FHIT: variants seen among roughly 807,000 people sequenced by gnomAD.
FHIT encodes fragile histidine triad diadenosine triphosphatase.
A neutral mutation model predicts 17.9 loss-of-function variants in FHIT; 19 were observed. That is an observed-to-expected ratio of 1.06 (90% CI 0.74 to 1.56). The LOEUF (loss-of-function observed/expected upper bound fraction) is 1.56, where lower values mean the gene tolerates loss of function less well. Ranked by LOEUF, FHIT falls within the 40% of genes most tolerant of loss-of-function variation. FHIT has a pLI of 0.00. For missense variants in FHIT, 248 were observed against 189.2 expected (o/e 1.31, Z -1.82); for synonymous variants, 81 against 69.7 (o/e 1.16, Z -0.81).
At chr3:61,189,136 T>TGGA (rs1437448612) in intron 2 of FHIT, among the ~76,000 whole-genome samples, 1 of 152,128 alleles carries the variant, frequency 6.6e-6, no homozygotes, top group African/African-American at 2.4e-5. Context: ...AAAGAGGAAG[T>TGGA]CAAACTGTCC....
At chr3:61,192,869 T>C (rs1471717980) in intron 2 of FHIT, among the ~76,000 whole-genome samples, 2 of 152,198 alleles carry the variant, frequency 1.3e-5, no homozygotes, top group African/African-American at 4.8e-5. Context: ...ACACAAATGG[T>C]GAGGCATCAC....
intron 7 of FHIT, among the ~76,000 whole-genome samples, chr3:59,958,753 G>A (rs1034405785): frequency 7.9e-5 from 12 of 152,072 alleles, no homozygotes; most frequent in Non-Finnish European, 1.2e-4. Flanking sequence ...AGTCTCTTCC[G>A]GGGCCAACCT....
At chr3:60,488,287 C>G (rs890115536) in intron 5 of FHIT, among the ~76,000 whole-genome samples, 1 of 152,158 alleles carries the variant, frequency 6.6e-6, no homozygotes, top group Non-Finnish European at 1.5e-5. Context: ...CTAGTGTGTT[C>G]CAGGCACCAT....
chr3:61,151,562 A>ATTATTTTCTTT (rs1553854940), intron 2 of FHIT, among the ~76,000 whole-genome samples: 7 of 130,124 alleles, frequency 5.4e-5, no homozygotes, highest in Admixed American at 1.6e-4. Flanking sequence ...GGCTTGTGAT[A>ATTATTTTCTTT]TTCTTTTCTT....
At chr3:60,863,011 C>T (rs74414449) in intron 3 of FHIT, among the ~76,000 whole-genome samples, 1,766 of 152,196 alleles carry the variant, frequency 0.012, 30 homozygotes, top group African/African-American at 0.04. Context: ...ACCCTAGTCA[C>T]ATGAGGTTGT....
At chr3:60,190,258 A>G (rs1702343011) in intron 5 of FHIT, among the ~76,000 whole-genome samples, 1 of 152,120 alleles carries the variant, frequency 6.6e-6, no homozygotes, top group South Asian at 2.1e-4. Context: ...TTGCTTCATA[A>G]CAGTCAGAAC....
chr3:60,515,273 CAGGAG>C (rs2035109211), intron 5 of FHIT, among the ~76,000 whole-genome samples: 1 of 152,152 alleles, frequency 6.6e-6, no homozygotes, highest in Non-Finnish European at 1.5e-5. Context: ...CGGTTCAAGG[CAGGAG>C]ATCCTGCCCC....
rs555018221 is a variant in FHIT at position 60,798,168 on chromosome 3, G to A, written c.-18+23751C>T. ...GAATGGAGTGGCTAGAGTTGGCCCT[G>A]GGGCCTTAGTTTGCAGATCCCTGTA... On this transcript the variant is annotated intron_variant, in intron 4 of 9. Transcript: ENST00000492590. Among the ~76,000 whole-genome samples the A allele has an allele frequency of 1.7e-4, 26 of 152,214 alleles. No individual in the cohort carries two copies. The East Asian group carries it at 4.6e-3, about 27-fold the overall frequency.
intron 8 of FHIT, among the ~76,000 whole-genome samples, chr3:59,836,509 G>A (rs561600549): frequency 8.5e-5 from 13 of 152,248 alleles, no homozygotes; most frequent in African/African-American, 2.9e-4. Context: ...CAGGAAGGCT[G>A]ACCTCTGCAC....
intron 8 of FHIT, among the ~76,000 whole-genome samples, chr3:59,867,520 T>C (rs1308252254): frequency 6.6e-6 from 1 of 152,078 alleles, no homozygotes; most frequent in Non-Finnish European, 1.5e-5. Context: ...CCTAAATCTA[T>C]CACTGAAATG....
chr3:60,863,761 A>G (rs1170174698), intron 3 of FHIT, among the ~76,000 whole-genome samples: 5 of 152,204 alleles, frequency 3.3e-5, no homozygotes, highest in African/African-American at 1.2e-4. Flanking sequence ...TGTACATTCA[A>G]CAATAATGCA....
chr3:60,134,101 A>G (rs573363039), intron 5 of FHIT, among the ~76,000 whole-genome samples: 115 of 152,220 alleles, frequency 7.6e-4, no homozygotes, highest in African/African-American at 2.6e-3. Context: ...GTCCAGGAGA[A>G]ATGATATTAA....
At chr3:60,487,765 T>C (rs9882078) in intron 5 of FHIT, among the ~76,000 whole-genome samples, 14,626 of 152,212 alleles carry the variant, frequency 0.096, 1,108 homozygotes, top group East Asian at 0.39. Flanking sequence ...AGCTCATTCC[T>C]TGACAAGTCA....
At chr3:61,074,112 G>A (rs896572083) in intron 2 of FHIT, among the ~76,000 whole-genome samples, 1 of 151,654 alleles carries the variant, frequency 6.6e-6, no homozygotes, top group Non-Finnish European at 1.5e-5. Flanking sequence ...TAAAGCATAA[G>A]CAGCACATGC....
chr3:60,427,292 G>A, intron 5 of FHIT, among the ~76,000 whole-genome samples: 1 of 152,048 alleles, frequency 6.6e-6, no homozygotes, highest in East Asian at 1.9e-4. Flanking sequence ...GGGTGCCCCA[G>A]TCCTACAATC....
chr3:60,767,653 T>C (rs1186453993), intron 4 of FHIT, among the ~76,000 whole-genome samples: 1 of 152,240 alleles, frequency 6.6e-6, no homozygotes, highest in Non-Finnish European at 1.5e-5. Context: ...ACATGATAGA[T>C]GATCAGATGG....
chr3:60,442,917 C>T (rs1387473751), intron 5 of FHIT, among the ~76,000 whole-genome samples: 4 of 152,082 alleles, frequency 2.6e-5, no homozygotes, highest in Non-Finnish European at 4.4e-5. Flanking sequence ...ATGGAATGTT[C>T]TTCCATTTGT....
At chr3:60,535,741 G>A (rs1214198108) in intron 5 of FHIT, 1 of 150,990 alleles carries the variant, frequency 6.6e-6, no homozygotes, top group Non-Finnish European at 1.5e-5. Flanking sequence ...CTAGAATTTG[G>A]ATTCCAGAAA....
At chr3:60,615,741 G>T (rs1016211594) in intron 4 of FHIT, among the ~76,000 whole-genome samples, 10 of 152,174 alleles carry the variant, frequency 6.6e-5, no homozygotes, top group African/African-American at 2.2e-4. Flanking sequence ...TCCAGTAGGA[G>T]AAAAAGACAT....
Sources: allele counts gnomAD v4.1 joint callset (sites outside exome capture counted in the v4.1 genomes callset), GRCh38; gene constraint gnomAD v4.1.1; transcripts MANE v1.5; gene names NCBI Gene and HGNC (gene_info 2026-07-23, HGNC 2026-07-21).